BCL6B: variants seen among roughly 807,000 people sequenced by gnomAD.
The protein encoded by BCL6B is BCL6B transcription repressor, also known as B-cell CLL/lymphoma 6 member B protein.
A neutral mutation model predicts 44.6 loss-of-function variants in BCL6B; 28 were observed. The ratio of observed to expected loss-of-function variants is 0.63; its 90% CI spans 0.47 to 0.86. The LOEUF (loss-of-function observed/expected upper bound fraction) is 0.86. Among genes scored for constraint, BCL6B ranks in the 40% least tolerant of loss-of-function variants. BCL6B has a pLI of 0.00. For missense variants in BCL6B, 626 were observed against 652.3 expected (o/e 0.96, Z 0.44); for synonymous variants, 268 against 263.6 (o/e 1.02, Z -0.16).
At chr17:7,026,648 C>A (rs531448695) in intron 6 of BCL6B, 27 bp downstream of exon 6, 1 of 1,614,032 alleles carries the variant, frequency 6.2e-7, no homozygotes, top group Non-Finnish European at 8.5e-7. Flanking sequence ...CCCTGGCCTT[C>A]AAGCCCACAG....
chr17:7,024,030 C>T lies in BCL6B; in HGVS notation c.180-53C>T, dbSNP rs1013169816. 2.5e-6 allele frequency: 4 copies of T among 1,581,100 alleles called. No individual in the cohort carries two copies. The highest frequency in any genetic ancestry group is 1.4e-5 in the African/African-American group (1 of 73,954). On this transcript the variant is annotated intron_variant, in intron 2 of 8. Transcript: ENST00000293805. The surrounding 1 kb of genome is among the most constrained non-coding windows in gnomAD (Gnocchi z 6.6). ...GGGGGCGGGGCTTCCTGAAGCTGCGCATGTCTCCCTTGGTTCCCCAGCCCC... is the reference window on the plus strand; with the variant it reads ...GGGGGCGGGGCTTCCTGAAGCTGCGTATGTCTCCCTTGGTTCCCCAGCCCC...
chr17:7,029,114 G>T lies in BCL6B; in HGVS notation c.*1495G>T. ...GGTTGGGATTATTGTTGGCATTACAGATGTAAAAGATTGACTAGCCCATAG... is the reference window on the plus strand; with the variant it reads ...GGTTGGGATTATTGTTGGCATTACATATGTAAAAGATTGACTAGCCCATAG... On this transcript the variant is annotated 3_prime_UTR_variant, in exon 9 of 9. Coordinates refer to ENST00000293805, the MANE Select transcript of BCL6B (RefSeq NM_181844.4). 1 of 985,532 alleles carries T rather than the reference G, an allele frequency of 1.0e-6. No individual in the cohort carries two copies. The highest frequency in any genetic ancestry group is 1.2e-6 in the Non-Finnish European group (1 of 829,994). 61.0% of individuals were successfully genotyped at this position (985,532 alleles called of 1,614,324 possible).
Position 7,024,448 on chromosome 17 carries a change from C to T in BCL6B, c.449C>T (p.Pro150Leu), listed in dbSNP as rs1442995014. Residue 150 changes from proline to leucine, a missense_variant, in exon 4 of 9, where the codon CCA (proline) becomes CTA (leucine). By Grantham distance (98) the Pro-to-Leu change is moderately conservative. Transcript: ENST00000293805. This position sits in a 1 kb window ranked among gnomAD's most constrained non-coding sequence, Gnocchi z 6.6. ...ISLRPLEAEP[P>L]TPPTAPPPGS... ...CTGCGCCCCCTGGAAGCAGAACCCC[C>T]AACACCCCCAACGGCCCCTCCACCA... The T allele has an allele frequency of 1.2e-6, 2 of 1,613,854 alleles. No individual in the cohort carries two copies. The highest frequency in any genetic ancestry group is 8.5e-7 in the Non-Finnish European group (1 of 1,179,938).
At position 7,024,148 on chromosome 17, in the gene BCL6B, G is replaced by C; in HGVS notation, c.245G>C (p.Gly82Ala). Reference protein sequence around the residue: ...GVGVDVLSLPGGPEARGFAPL... With the variant: ...GVGVDVLSLPAGPEARGFAPL... ...GGGGTGGACGTGCTCTCTCTGCCCG[G>C]GGGTCCCGAAGCGAGAGGCTTCGCC... is the stretch of plus-strand genomic sequence containing the variant. The change falls in exon 3 of 9, where the codon GGG becomes GCG. Residue 82 changes from glycine to alanine, a missense_variant. Transcript: ENST00000293805. The surrounding 1 kb of genome is among the most constrained non-coding windows in gnomAD (Gnocchi z 6.6). 1 of 1,613,996 alleles carries C rather than the reference G, an allele frequency of 6.2e-7. No homozygotes were observed. Among genetic ancestry groups the C allele is most frequent in the Non-Finnish European group, 8.5e-7 (1 of 1,180,008 alleles).
Position 7,029,407 on chromosome 17 carries a change from A to G in BCL6B, c.*1788A>G. On this transcript the variant is annotated 3_prime_UTR_variant, in exon 9 of 9. Transcript: ENST00000293805. Reference sequence around the variant, plus strand: ...TGGGGTAGAACTTCAACAATAAGTCAGTTCTAGTGGCTGTCGCCTGGGGAC... The same window carrying G: ...TGGGGTAGAACTTCAACAATAAGTCGGTTCTAGTGGCTGTCGCCTGGGGAC... 1 of 1,003,872 alleles carries G rather than the reference A, an allele frequency of 1.0e-6. No individual in the cohort carries two copies. The allele number at this position is 1,003,872 out of a possible 1,614,324, so 62.2% of individuals were successfully genotyped here.
At chr17:7,023,429 G>T in intron 1 of BCL6B, 1 of 514,258 alleles carries the variant, frequency 1.9e-6, no homozygotes, top group South Asian at 2.9e-5. Context: ...ACGACGCCGC[G>T]GTGTGGAACC....
chr17:7,027,198 G>A (rs1009127213), intron 8 of BCL6B, 111 bp downstream of exon 8: 17 of 1,428,892 alleles, frequency 1.2e-5, no homozygotes, highest in East Asian at 4.8e-5. Flanking sequence ...AGAAATGAGC[G>A]GTGGCCGGAA....
At position 7,028,416 on chromosome 17, in the gene BCL6B, G is replaced by C. The variant is rs1028078571; in HGVS notation, c.*797G>C. On this transcript the variant is annotated 3_prime_UTR_variant, in exon 9 of 9. Transcript: ENST00000293805. ...GGAACCATTATGTTGAGCCCAAAAT[G>C]GAAGTAATAATAAATGCCTCCTGGA... The C allele has an allele frequency of 5.8e-5, 2 of 34,266 alleles. No individual in the cohort carries two copies. The highest frequency in any genetic ancestry group is 6.8e-5 in the Non-Finnish European group (2 of 29,622). 2.1% of individuals were successfully genotyped at this position (34,266 alleles called of 1,614,324 possible).
Position 7,028,581 on chromosome 17 carries a change from A to G in BCL6B, c.*962A>G. On this transcript the variant is annotated 3_prime_UTR_variant, in exon 9 of 9. Coordinates refer to ENST00000293805, the MANE Select transcript of BCL6B (RefSeq NM_181844.4). Reference sequence around the variant, plus strand: ...GGGTTTGGCTCTGCTGTATCCATCTATAGTGGTAGAGACCCACCAGGGCTC... The same window carrying G: ...GGGTTTGGCTCTGCTGTATCCATCTGTAGTGGTAGAGACCCACCAGGGCTC... 6 of 846,154 alleles carry G rather than the reference A, an allele frequency of 7.1e-6. No individual in the cohort carries two copies. The highest frequency in any genetic ancestry group is 6.5e-6 in the Non-Finnish European group (5 of 766,738). 52.4% of individuals were successfully genotyped at this position (846,154 alleles called of 1,614,324 possible).
chr17:7,024,640 G>A lies in BCL6B; in HGVS notation c.641G>A (p.Gly214Glu). 1 of 1,614,110 alleles carries A rather than the reference G, an allele frequency of 6.2e-7. No homozygotes were observed. The highest frequency in any genetic ancestry group is 8.5e-7 in the Non-Finnish European group (1 of 1,180,038). The change falls in exon 4 of 9, where the codon GGG (glycine) becomes GAG (glutamate). Residue 214 changes from glycine (G) to glutamate (E), a missense_variant. Coordinates refer to ENST00000293805, the MANE Select transcript of BCL6B (RefSeq NM_181844.4). This position sits in a 1 kb window ranked among gnomAD's most constrained non-coding sequence, Gnocchi z 6.6. ...GCCTCCCAAGCAGGGAGCCTGGTCG[G>A]GGAGAGAAGTTCTGGTCAACCTTGC... ...SQASQAGSLV[G>E]ERSSGQPCPQ...
Position 7,024,956 on chromosome 17 carries a change from T to A in BCL6B, c.765-120T>A, listed in dbSNP as rs1459445452. On this transcript the variant is annotated intron_variant, in intron 4 of 8. Coordinates refer to ENST00000293805, the MANE Select transcript of BCL6B (RefSeq NM_181844.4). The surrounding 1 kb of genome is among the most constrained non-coding windows in gnomAD (Gnocchi z 6.6). ...TGGGCAGTACAATGGATGTGGCTCA[T>A]TGGTCAACAATATTGGCTCACCCTG... The A allele has an allele frequency of 3.3e-6, 5 of 1,505,642 alleles. No homozygotes were observed. In the Admixed American group the frequency reaches 1.0e-4, roughly 31 times the overall value. The allele number at this position is 1,505,642 out of a possible 1,614,324, so 93.3% of individuals were successfully genotyped here. A position where few individuals can be genotyped will look rare whatever the true frequency, so the allele number is the denominator to read the frequency against.
Position 7,028,420 on chromosome 17 carries a change from G to A in BCL6B, c.*801G>A, listed in dbSNP as rs1163688394. ...CCATTATGTTGAGCCCAAAATGGAA[G>A]TAATAATAAATGCCTCCTGGAGGCT... On this transcript the variant is annotated 3_prime_UTR_variant, in exon 9 of 9. Transcript: ENST00000293805. The A allele has an allele frequency of 2.8e-5, 1 of 35,164 alleles. No individual in the cohort carries two copies. The allele number at this position is 35,164 out of a possible 1,614,324, so 2.2% of individuals were successfully genotyped here.
intron 5 of BCL6B, among the ~76,000 whole-genome samples, chr17:7,025,559 A>G (rs1393780259): frequency 6.6e-6 from 1 of 152,212 alleles, no homozygotes; most frequent in Non-Finnish European, 1.5e-5. Context: ...TTAGCCAAGC[A>G]TGGTGGCTCA....
In BCL6B at chr17:7,024,411, C is replaced by G. The variant is rs559490224; in HGVS notation, c.412C>G (p.Leu138Val). 4.3e-6 allele frequency: 7 copies of G among 1,613,332 alleles called. 1 individual carries two copies. The East Asian group carries it at 1.6e-4, about 36-fold the overall frequency. The change falls in exon 4 of 9, where the codon CTG becomes GTG. Residue 138 changes from leucine (L) to valine (V), a missense_variant. By Grantham distance (32) the Leu-to-Val change is conservative. Transcript: ENST00000293805. This position sits in a 1 kb window ranked among gnomAD's most constrained non-coding sequence, Gnocchi z 6.6. Reference protein sequence around the residue: ...HRFIQASYEPLGISLRPLEAE... With the variant: ...HRFIQASYEPVGISLRPLEAE... ...TCACACTTTCCCCAGCTATGAACCT[C>G]TGGGCATCTCCCTGCGCCCCCTGGA...
chr17:7,026,786 C>T lies in BCL6B; in HGVS notation c.1136C>T (p.Ser379Leu), dbSNP rs751964952. 7.4e-6 allele frequency: 12 copies of T among 1,614,010 alleles called. No individual in the cohort carries two copies. Among genetic ancestry groups the T allele is most frequent in the South Asian group, 3.3e-5 (3 of 91,086 alleles). The part of the protein sequence containing the change: ...ANLKTHSRIH[S>L]GEKPYKCETC... ...CTGAAAACGCACAGCCGCATCCATTCGGGAGAGAAGCCGTATAAGTGTGAG... is the reference window on the plus strand; with the variant it reads ...CTGAAAACGCACAGCCGCATCCATTTGGGAGAGAAGCCGTATAAGTGTGAG... Residue 379 changes from serine (S) to leucine (L), a missense_variant, in exon 7 of 9, where the codon TCG becomes TTG. Ser to Leu is a moderately radical substitution (Grantham distance 145). Transcript: ENST00000293805.
intron 1 of BCL6B, 54 bp from the exon 2 acceptor site, chr17:7,023,606 G>A: frequency 6.6e-7 from 1 of 1,509,658 alleles, no homozygotes; most frequent in African/African-American, 1.4e-5. Context: ...AAACAGAGGA[G>A]GGAAGGCGTC....
chr17:7,023,719 G>A lies in BCL6B; in HGVS notation c.48G>A (p.Glu16=). ...APEGALGYVR[E]FTRHSSDVLG... Reference sequence around the variant, plus strand: ...AGGGAGCGCTGGGCTACGTCCGCGAGTTCACTCGCCACTCCTCCGACGTGC... The same window carrying A: ...AGGGAGCGCTGGGCTACGTCCGCGAATTCACTCGCCACTCCTCCGACGTGC... The change falls in exon 2 of 9, where the codon GAG becomes GAA. Residue 16 remains glutamate, a synonymous_variant. Coordinates refer to ENST00000293805, the MANE Select transcript of BCL6B (RefSeq NM_181844.4). The A allele has an allele frequency of 6.2e-7, 1 of 1,613,186 alleles. No homozygotes were observed. The highest frequency in any genetic ancestry group is 8.5e-7 in the Non-Finnish European group (1 of 1,180,028).
Position 7,024,494 on chromosome 17 carries a change from A to G in BCL6B, c.495A>G (p.Glu165=), listed in dbSNP as rs1910227447. 1.9e-6 allele frequency: 3 copies of G among 1,613,826 alleles called. No homozygotes were observed. The Admixed American group carries it at 5.0e-5, about 27-fold the overall frequency. ...CACCAGGTAGTCCCAGGCGCTCCGA[A>G]GGACACCCAGACCCACCTACTGAAT... The part of the protein sequence containing the change: ...APPPGSPRRS[E]GHPDPPTESR... Residue 165 remains glutamate, a synonymous_variant, in exon 4 of 9, where the codon GAA becomes GAG. Transcript: ENST00000293805. This position sits in a 1 kb window ranked among gnomAD's most constrained non-coding sequence, Gnocchi z 6.6.
chr17:7,027,094 A>G lies in BCL6B; in HGVS notation c.1323+7A>G, dbSNP rs373527238. 40 of 1,613,640 alleles carry G rather than the reference A, an allele frequency of 2.5e-5. No homozygotes were observed. Among genetic ancestry groups the G allele is most frequent in the Non-Finnish European group, 3.3e-5 (39 of 1,179,990 alleles). ...CGGAGAGAAGCCTTACCACGTGGGT[A>G]CCCAACCTGGCCTGCCCACTGCCTT... is the stretch of plus-strand genomic sequence containing the variant. On this transcript the variant is annotated splice_region_variant and intron_variant, in intron 8 of 8. Transcript: ENST00000293805.
Sources: gnomAD v4.1 joint callset for allele counts (sites outside exome capture counted in the v4.1 genomes callset) on GRCh38, gnomAD v4.1.1 for gene constraint, Gnocchi (gnomAD v3.1) non-coding constraint, MANE v1.5 for transcripts, NCBI Gene and HGNC (gene_info 2026-07-23, HGNC 2026-07-21) for gene names.